MTFR1: variants seen among roughly 807,000 people sequenced by gnomAD.
MTFR1 encodes mitochondrial fission regulator 1.
MTFR1 carries 28 observed loss-of-function variants against 38.8 expected under a neutral mutation model. The observed-to-expected ratio is 0.72, with a 90% CI of 0.53 to 0.99. The LOEUF is 0.99. Among genes scored for constraint, MTFR1 ranks in the 50% least tolerant of loss-of-function variants. The pLI is 0.00. For synonymous variants in MTFR1, 145 were observed against 137.0 expected (o/e 1.06, Z -0.41); for missense variants, 358 against 395.5 (o/e 0.91, Z 0.81).
chr8:65,772,817 A>G (rs1342585878), downstream of MTFR1, among the ~76,000 whole-genome samples: 1 of 152,120 alleles, frequency 6.6e-6, no homozygotes, highest in Non-Finnish European at 1.5e-5. Flanking sequence ...CAGTCTGACC[A>G]ATATGGTGAA....
At chr8:65,778,397 T>C in the MTFR1 span, among the ~76,000 whole-genome samples, 7 of 152,264 alleles carry the variant, frequency 4.6e-5, no homozygotes, top group South Asian at 1.5e-3. Context: ...GTTCCAGCCC[T>C]GGAAGATGAC....
intron 1 of MTFR1, among the ~76,000 whole-genome samples, chr8:65,654,915 A>G (rs1233447775): frequency 6.6e-6 from 1 of 152,144 alleles, no homozygotes; most frequent in Non-Finnish European, 1.5e-5. Context: ...GGGGACAGTA[A>G]CTATTACACA....
At chr8:65,698,382 C>T (rs7465049) in intron 4 of MTFR1, among the ~76,000 whole-genome samples, 16,696 of 151,740 alleles carry the variant, frequency 0.11, 1,140 homozygotes, top group Middle Eastern at 0.17. Flanking sequence ...TTAAGCGATC[C>T]GCCCACCTTA....
intron 2 of MTFR1, among the ~76,000 whole-genome samples, chr8:65,677,336 C>T (rs1215189397): frequency 6.7e-6 from 1 of 150,024 alleles, no homozygotes; most frequent in African/African-American, 2.5e-5. Flanking sequence ...TTCCAAAGTG[C>T]TGGGATTACA....
intron 1 of MTFR1, among the ~76,000 whole-genome samples, chr8:65,667,609 G>T (rs957340079): frequency 5.3e-5 from 8 of 151,858 alleles, no homozygotes; most frequent in African/African-American, 1.9e-4. Flanking sequence ...TGTATTTTTA[G>T]TAGAGATGGG....
chr8:65,676,100 G>A (rs1003804227), intron 2 of MTFR1, among the ~76,000 whole-genome samples: 1 of 152,122 alleles, frequency 6.6e-6, no homozygotes, highest in African/African-American at 2.4e-5. Context: ...TTTGGTTAAG[G>A]ATTTAAAAAT....
At chr8:65,748,339 G>T (rs1807783041) in intron 3 of MTFR1, among the ~76,000 whole-genome samples, 1 of 152,100 alleles carries the variant, frequency 6.6e-6, no homozygotes, top group Non-Finnish European at 1.5e-5. Flanking sequence ...GGAGCAAAGT[G>T]GTTTATATCC....
intron 1 of MTFR1, among the ~76,000 whole-genome samples, chr8:65,666,535 T>G (rs1804387450): frequency 6.6e-6 from 1 of 152,242 alleles, no homozygotes; most frequent in African/African-American, 2.4e-5. Context: ...AGTCCTAACT[T>G]TGCCACTTAT....
rs750844271 is a variant in MTFR1, at chr8:65,708,029, AT to A, written c.933+21del. The A allele has an allele frequency of 5.0e-6, 8 of 1,609,956 alleles. No individual in the cohort carries two copies. In the East Asian group the frequency reaches 1.8e-4, roughly 36 times the overall value. ...GAGTGTTGGTGAGTTATTTGCCCAG[AT>A]TTCTTTCCTGTTATGTAGAAATCCA... On this transcript the variant is annotated intron_variant, in intron 7 of 7. Transcript: ENST00000262146.
intron 3 of MTFR1, among the ~76,000 whole-genome samples, chr8:65,762,807 A>G (rs1808572997): frequency 6.6e-6 from 1 of 152,178 alleles, no homozygotes; most frequent in South Asian, 2.1e-4. Flanking sequence ...AACATTTAAA[A>G]TATTTCAGAA....
At chr8:65,673,575 G>A (rs1804626932) in intron 2 of MTFR1, among the ~76,000 whole-genome samples, 1 of 150,452 alleles carries the variant, frequency 6.6e-6, no homozygotes, top group Non-Finnish European at 1.5e-5. Flanking sequence ...TGCACGTTCT[G>A]CACATGTATC....
chr8:65,668,184 CTT>C (rs200290743), intron 1 of MTFR1, among the ~76,000 whole-genome samples: 1 of 109,142 alleles, frequency 9.2e-6, no homozygotes, highest in Non-Finnish European at 2.0e-5. Flanking sequence ...TTTTTTTTTT[CTT>C]TTTTTTTTTG....
At chr8:65,649,012 A>G (rs886672729) in intron 1 of MTFR1, among the ~76,000 whole-genome samples, 7 of 152,138 alleles carry the variant, frequency 4.6e-5, no homozygotes, top group Non-Finnish European at 8.8e-5. Flanking sequence ...GATAGAAAAT[A>G]TTTGAAAAAA....
At chr8:65,753,286 A>AGG (rs1264450570) in intron 3 of MTFR1, among the ~76,000 whole-genome samples, 1 of 152,218 alleles carries the variant, frequency 6.6e-6, no homozygotes, top group Non-Finnish European at 1.5e-5. Flanking sequence ...TGGGGATAAA[A>AGG]GGGAGGTCTT....
rs766797753 is a variant in MTFR1 at position 65,693,709 on chromosome 8, T to C, written c.231T>C (p.Ala77=). 1.2e-6 allele frequency: 2 copies of C among 1,614,126 alleles called. No individual in the cohort carries two copies. The highest frequency in any genetic ancestry group is 2.2e-5 in the South Asian group (2 of 91,080). The change falls in exon 4 of 8, where the codon GCT becomes GCC. Residue 77 remains alanine (A), a synonymous_variant. Coordinates refer to ENST00000262146, the MANE Select transcript of MTFR1 (RefSeq NM_014637.4). Reference sequence around the variant, plus strand: ...GAGAGGATGCAGTGGCGTCTTTTGCTGATGTTGGATGGGTAGCCAAAGAAG... The same window carrying C: ...GAGAGGATGCAGTGGCGTCTTTTGCCGATGTTGGATGGGTAGCCAAAGAAG... The part of the protein sequence containing the change: ...HPGEDAVASF[A]DVGWVAKEEG...
chr8:65,765,301 AAAACGGTG>A (rs1461974315), intron 3 of MTFR1, among the ~76,000 whole-genome samples: 1 of 151,410 alleles, frequency 6.6e-6, no homozygotes, highest in Non-Finnish European at 1.5e-5. Flanking sequence ...CATCCCGGCT[AAAACGGTG>A]AAACCCCGTC....
At position 65,730,171 on chromosome 8, in the gene MTFR1, C is replaced by CTTTTTTTTT. The variant is rs1179431555; in HGVS notation, c.*48+10708_*48+10716dup. Among the ~76,000 whole-genome samples, 442 of 86,380 alleles carry CTTTTTTTTT rather than the reference C, an allele frequency of 5.1e-3. 73 individuals are homozygous for CTTTTTTTTT. The highest frequency in any genetic ancestry group is 0.017 in the African/African-American group (358 of 20,886). The allele number at this position is 86,380 out of a possible 152,430, so 56.7% of individuals were successfully genotyped here. Reference sequence around the variant, plus strand: ...TGTGAGGGATCCAGGTTGCGCACTTCTTTTTTTTTTTTTTTTTTTTTTTTT... The same window carrying CTTTTTTTTT: ...TGTGAGGGATCCAGGTTGCGCACTTCTTTTTTTTTTTTTTTTTTTTTTTTTTTTTTTTTT... On this transcript the variant is annotated intron_variant, in intron 3 of 3. Transcript: ENST00000521247.
At chr8:65,743,902 A>G (rs771042408) in intron 3 of MTFR1, among the ~76,000 whole-genome samples, 3 of 151,166 alleles carry the variant, frequency 2.0e-5, no homozygotes, top group Non-Finnish European at 4.4e-5. Context: ...GCGCGATCTC[A>G]GCTCACTGCA....
At chr8:65,757,104 C>T (rs1439687129) in intron 3 of MTFR1, among the ~76,000 whole-genome samples, 1 of 152,092 alleles carries the variant, frequency 6.6e-6, no homozygotes, top group Admixed American at 6.5e-5. Flanking sequence ...ATAATGTCAG[C>T]ATTCCTTCCC....
Sources: gnomAD v4.1 joint callset for allele counts (sites outside exome capture counted in the v4.1 genomes callset) on GRCh38, gnomAD v4.1.1 for gene constraint, MANE v1.5 for transcripts, NCBI Gene and HGNC (gene_info 2026-07-23, HGNC 2026-07-21) for gene names.